Variants in ABTB2 observed in about 807,000 individuals in gnomAD.
ABTB2 encodes ankyrin repeat and BTB/POZ domain-containing protein 2.
In ABTB2, 56 loss-of-function variants were observed where a neutral mutation model predicts 104.1. The ratio of observed to expected loss-of-function variants is 0.54; its 90% confidence interval spans 0.43 to 0.67. The LOEUF (loss-of-function observed/expected upper bound fraction) is 0.67. ABTB2 is among the 30% of genes least tolerant of loss of function. The probability of loss-of-function intolerance (pLI) is 0.00; values close to 1 mark genes in which losing one functional copy is unlikely to be tolerated. For missense variants in ABTB2, 1,279 were observed against 1,407.7 expected (o/e 0.91, Z 1.46); for synonymous variants, 606 against 608.2 (o/e 1.00, Z 0.05).
intron 1 of ABTB2, among the ~76,000 whole-genome samples, chr11:34,250,631 A>G (rs1180239333): frequency 6.6e-6 from 1 of 152,242 alleles, no homozygotes; most frequent in Non-Finnish European, 1.5e-5. Flanking sequence ...GTGAACAGAC[A>G]TGGCAGAAAG....
In ABTB2 at chr11:34,221,648, G is replaced by C. The variant is rs76284171; in HGVS notation, c.884-16958C>G. Among the ~76,000 whole-genome samples, 943 of 152,318 alleles carry C rather than the reference G, an allele frequency of 6.2e-3. 12 individuals carry two copies. Among genetic ancestry groups the C allele is most frequent in the African/African-American group, 0.021 (869 of 41,572 alleles). On this transcript the variant is annotated intron_variant, in intron 1 of 16. Transcript: ENST00000435224. ...ATCTAGCCCTCATTCAGCTTGAATA[G>C]GGGGGCTCAACGCTCCCCTCACGGG...
At chr11:34,159,534 T>G in intron 13 of ABTB2, 148 bp from the exon 14 acceptor site, 2 of 649,588 alleles carry the variant, frequency 3.1e-6, no homozygotes, top group Non-Finnish European at 5.5e-6. Context: ...TTTCAGCAAG[T>G]GCCATTTTAC....
intron 1 of ABTB2, among the ~76,000 whole-genome samples, chr11:34,230,963 G>T (rs1853762358): frequency 6.6e-6 from 1 of 152,010 alleles, no homozygotes; most frequent in Non-Finnish European, 1.5e-5. Context: ...CTCCCGCCTT[G>T]GCCTCCCAAA....
At chr11:34,177,452 A>T (rs902769071) in intron 3 of ABTB2, among the ~76,000 whole-genome samples, 2 of 152,194 alleles carry the variant, frequency 1.3e-5, no homozygotes, top group African/African-American at 4.8e-5. Flanking sequence ...AGGTTTTATC[A>T]TTAAGATATG....
intron 1 of ABTB2, among the ~76,000 whole-genome samples, chr11:34,212,367 G>C (rs1234385681): frequency 6.6e-6 from 1 of 152,288 alleles, no homozygotes; most frequent in East Asian, 1.9e-4. Flanking sequence ...AGAGAAGCAG[G>C]TTTTAACCAT....
chr11:34,348,820 CTT>C (rs944914876), intron 1 of ABTB2, among the ~76,000 whole-genome samples: 19 of 152,188 alleles, frequency 1.2e-4, no homozygotes, highest in African/African-American at 4.6e-4. Context: ...TTGCTCCCCT[CTT>C]TGTTTGAAGG....
chr11:34,281,536 T>C (rs974408379), intron 1 of ABTB2, among the ~76,000 whole-genome samples: 20 of 152,214 alleles, frequency 1.3e-4, no homozygotes, highest in African/African-American at 4.8e-4. Context: ...CCAACCATGC[T>C]CTGAAATTCT....
chr11:34,176,698 A>C (rs1033789669), intron 3 of ABTB2, among the ~76,000 whole-genome samples: 2 of 152,252 alleles, frequency 1.3e-5, no homozygotes, highest in African/African-American at 4.8e-5. Flanking sequence ...AGTGACAAAA[A>C]GTATGGATGA....
intron 1 of ABTB2, among the ~76,000 whole-genome samples, chr11:34,322,106 C>A (rs77596754): frequency 6.6e-6 from 1 of 152,290 alleles, no homozygotes; most frequent in African/African-American, 2.4e-5. Flanking sequence ...TTCTAACGAT[C>A]TAAGCTACAT....
At chr11:34,168,399 T>TAATATGTATAA (rs1852831012) in intron 5 of ABTB2, among the ~76,000 whole-genome samples, 1 of 152,214 alleles carries the variant, frequency 6.6e-6, no homozygotes, top group Non-Finnish European at 1.5e-5. Flanking sequence ...ATAAAGTGCT[T>TAATATGTATAA]AGTTCAGAAT....
At chr11:34,308,173 T>A (rs111371973) in intron 1 of ABTB2, among the ~76,000 whole-genome samples, 1 of 152,198 alleles carries the variant, frequency 6.6e-6, no homozygotes, top group African/African-American at 2.4e-5. Flanking sequence ...TGGACACATG[T>A]GATGAGCTTG....
intron 1 of ABTB2, among the ~76,000 whole-genome samples, chr11:34,321,576 GT>G (rs906756383): frequency 1.3e-5 from 2 of 152,210 alleles, no homozygotes; most frequent in African/African-American, 4.8e-5. Context: ...ATTGTCTCCT[GT>G]AAGAAGAGCT....
rs555910040 is a variant in ABTB2 at position 34,193,898 on chromosome 11, C to T, written c.1244+3427G>A. 2.0e-5 allele frequency among the ~76,000 whole-genome samples: 3 copies of T among 152,310 alleles called. No homozygotes were observed. In the East Asian group the frequency reaches 5.8e-4, roughly 29 times the overall value. On this transcript the variant is annotated intron_variant, in intron 3 of 16. Transcript: ENST00000435224. ...CTCTGAGTTCCTGCTGCTTCTGCCC[C>T]TCCCTCCTCCCACTGTCTCTTCTCC...
chr11:34,190,563 C>A (rs1354812818), intron 3 of ABTB2, among the ~76,000 whole-genome samples: 1 of 152,188 alleles, frequency 6.6e-6, no homozygotes, highest in African/African-American at 2.4e-5. Flanking sequence ...CAGGGAGAAA[C>A]AGGAGTAAGT....
At position 34,357,677 on chromosome 11, in the gene ABTB2, C is replaced by G. The variant is rs1855484865; in HGVS notation, c.-94G>C. On this transcript the variant is annotated 5_prime_UTR_variant, in exon 1 of 17. Transcript: ENST00000435224. ...GGGCAGAAACAAGCTCTAGGCCCTC[C>G]GGGCCACCCTCCTTCCTCTCTGCGT... 1.6e-6 allele frequency: 2 copies of G among 1,273,100 alleles called. No homozygotes were observed. 78.9% of individuals were successfully genotyped at this position (1,273,100 alleles called of 1,614,324 possible).
intron 1 of ABTB2, among the ~76,000 whole-genome samples, chr11:34,315,922 C>T (rs1205644218): frequency 1.3e-5 from 2 of 152,190 alleles, no homozygotes; most frequent in East Asian, 3.9e-4. Context: ...AGCATAACTT[C>T]TTCAAGGCGA....
intron 1 of ABTB2, among the ~76,000 whole-genome samples, chr11:34,292,524 T>C (rs1201051518): frequency 6.6e-6 from 1 of 152,210 alleles, no homozygotes; most frequent in Non-Finnish European, 1.5e-5. Flanking sequence ...GGTTTGTCCA[T>C]GTAACAAATA....
intron 3 of ABTB2, among the ~76,000 whole-genome samples, chr11:34,194,681 G>A (rs1265649437): frequency 6.6e-6 from 1 of 151,986 alleles, no homozygotes; most frequent in Non-Finnish European, 1.5e-5. Context: ...TCTGCTCAGC[G>A]ACAGGAGCCA....
intron 1 of ABTB2, among the ~76,000 whole-genome samples, chr11:34,283,559 C>G (rs1854472253): frequency 6.6e-6 from 1 of 152,098 alleles, no homozygotes; most frequent in Non-Finnish European, 1.5e-5. Flanking sequence ...ATCCATTTAG[C>G]AAGTATCAAA....
Sources: allele counts gnomAD v4.1 joint callset (sites outside exome capture counted in the v4.1 genomes callset), GRCh38; gene constraint gnomAD v4.1.1; transcripts MANE v1.5; gene names NCBI Gene and HGNC (gene_info 2026-07-23, HGNC 2026-07-21).